DNM3: variants seen among roughly 807,000 people sequenced by gnomAD.
DNM3 encodes the protein dynamin 3, also known as dynamin-3.
A neutral mutation model predicts 101.6 loss-of-function variants in DNM3; 47 were observed. The observed-to-expected ratio is 0.46, with a 90% CI of 0.37 to 0.59. The LOEUF is 0.59. DNM3 is among the 20% of genes least tolerant of loss of function. The probability of loss-of-function intolerance (pLI) is 0.00; values close to 1 mark genes in which losing one functional copy is unlikely to be tolerated. For missense variants in DNM3, 849 were observed against 1,085.7 expected (o/e 0.78, Z 3.06); for synonymous variants, 385 against 387.9 (o/e 0.99, Z 0.09).
intron 14 of DNM3, among the ~76,000 whole-genome samples, chr1:172,145,222 C>T (rs970600519): frequency 1.3e-5 from 2 of 152,010 alleles, no homozygotes; most frequent in Admixed American, 1.3e-4. Context: ...GAAGGCAGAG[C>T]TCATTTGGAA....
In DNM3 at chr1:172,068,834, A is replaced by C; in HGVS notation, c.1351A>C (p.Arg451=). Residue 451 remains arginine (R), a synonymous_variant, in exon 11 of 21, where the codon AGA becomes CGA. Coordinates refer to ENST00000627582, the MANE Select transcript of DNM3 (RefSeq NM_015569.5). ...KCTKKLANFP[R]LCEETERIVA... is the part of the protein sequence containing the mutation. ...TTCTTGACAGCTGGCAAACTTCCCCAGACTCTGCGAGGAAACGGAAAGGAT... is the reference window on the plus strand; with the variant it reads ...TTCTTGACAGCTGGCAAACTTCCCCCGACTCTGCGAGGAAACGGAAAGGAT... 6.4e-7 allele frequency: 1 copy of C among 1,572,464 alleles called. No homozygotes were observed. The highest frequency in any genetic ancestry group is 8.6e-7 in the Non-Finnish European group (1 of 1,158,022).
chr1:172,011,840 A>T (rs531498105), intron 4 of DNM3, among the ~76,000 whole-genome samples: 1 of 152,032 alleles, frequency 6.6e-6, no homozygotes, highest in Admixed American at 6.6e-5. Context: ...TAAATTTCTC[A>T]TGTGAACTCA....
intron 14 of DNM3, among the ~76,000 whole-genome samples, chr1:172,230,460 A>C (rs2061291960): frequency 6.6e-6 from 1 of 152,188 alleles, no homozygotes; most frequent in South Asian, 2.1e-4. Context: ...GTTTTGCTGA[A>C]CACTTGGTGC....
chr1:171,928,863 G>T (rs1482421211), intron 2 of DNM3, among the ~76,000 whole-genome samples: 2 of 152,114 alleles, frequency 1.3e-5, no homozygotes, highest in Non-Finnish European at 2.9e-5. Flanking sequence ...GGTATGCTTG[G>T]TGCCTGCTCT....
intron 2 of DNM3, among the ~76,000 whole-genome samples, chr1:171,926,640 T>C (rs555728986): frequency 6.6e-6 from 1 of 152,320 alleles, no homozygotes; most frequent in South Asian, 2.1e-4. Context: ...AAGTTTCAAA[T>C]TGAGAATTGC....
rs116349556 is a variant in DNM3, at chr1:172,284,659, G to T, written c.1770-24069G>T. 6.8e-3 allele frequency among the ~76,000 whole-genome samples: 1,030 copies of T among 152,214 alleles called. 22 individuals carry two copies. Among genetic ancestry groups the T allele is most frequent in the African/African-American group, 0.023 (975 of 41,538 alleles). On this transcript the variant is annotated intron_variant, in intron 15 of 20. Coordinates refer to ENST00000627582, the MANE Select transcript of DNM3 (RefSeq NM_015569.5). ...ATGTAATCAGTTACATAATTCATTT[G>T]TCCTTCCATTTTCTTCTACAGAGAC...
At position 172,048,689 on chromosome 1, in the gene DNM3, T is replaced by G; in HGVS notation, c.1274T>G (p.Leu425Trp). 1.2e-6 allele frequency: 2 copies of G among 1,613,638 alleles called. No homozygotes were observed. The highest frequency in any genetic ancestry group is 1.7e-6 in the Non-Finnish European group (2 of 1,179,692). Residue 425 changes from leucine to tryptophan, a missense_variant, in exon 10 of 21, where the codon TTG (leucine) becomes TGG (tryptophan). Physicochemically the swap from Leu to Trp is moderately conservative, Grantham distance 61 (BLOSUM62 -2). This residue lies in a region of DNM3 where 193 missense variants were observed against 238.4 expected (regional missense o/e 0.81). Transcript: ENST00000627582. ...KQIVKLKGPS[L>W]KSVDLVIQEL... is the part of the protein sequence containing the mutation. ...ATTGTAAAGTTGAAAGGGCCTTCCT[T>G]GAAGAGTGTGGATCTGGTAATACAA...
At chr1:172,193,711 C>T (rs1050349324) in intron 14 of DNM3, among the ~76,000 whole-genome samples, 3 of 152,106 alleles carry the variant, frequency 2.0e-5, no homozygotes, top group Admixed American at 2.0e-4. Context: ...GTGATATCCC[C>T]TTTATCATTT....
At chr1:172,026,864 AG>A (rs1408969040) in intron 4 of DNM3, among the ~76,000 whole-genome samples, 1 of 152,114 alleles carries the variant, frequency 6.6e-6, no homozygotes, top group Admixed American at 6.5e-5. Flanking sequence ...CATGTTAGCC[AG>A]GATGGTCTCG....
chr1:172,334,911 T>TA (rs2066351912), intron 17 of DNM3, among the ~76,000 whole-genome samples: 2 of 152,122 alleles, frequency 1.3e-5, no homozygotes, highest in African/African-American at 4.8e-5. Flanking sequence ...GTGCTTCCTC[T>TA]AAAAGCCTGT....
intron 1 of DNM3, among the ~76,000 whole-genome samples, chr1:171,904,453 A>G (rs1170099816): frequency 2.0e-5 from 3 of 152,216 alleles, no homozygotes; most frequent in African/African-American, 7.2e-5. Context: ...CCTTATTCCC[A>G]AGGAAGGTAA....
intron 2 of DNM3, among the ~76,000 whole-genome samples, chr1:171,937,120 A>C (rs890568958): frequency 1.3e-5 from 2 of 152,256 alleles, no homozygotes; most frequent in African/African-American, 4.8e-5. Flanking sequence ...TTCATAAATT[A>C]GACTGATACA....
At chr1:171,905,322 T>C (rs1208596744) in intron 1 of DNM3, among the ~76,000 whole-genome samples, 1 of 152,216 alleles carries the variant, frequency 6.6e-6, no homozygotes, top group Non-Finnish European at 1.5e-5. Flanking sequence ...ATATCAGTCT[T>C]CCTTTCTGAG....
chr1:171,846,453 T>C (rs1004821752), intron 1 of DNM3, among the ~76,000 whole-genome samples: 1 of 152,176 alleles, frequency 6.6e-6, no homozygotes, highest in Non-Finnish European at 1.5e-5. Flanking sequence ...GGAAACTTAA[T>C]GTTTAGCTGG....
intron 16 of DNM3, among the ~76,000 whole-genome samples, chr1:172,321,500 C>T (rs2065715014): frequency 1.3e-5 from 2 of 152,178 alleles, no homozygotes; most frequent in Non-Finnish European, 2.9e-5. Context: ...ATTTACATTT[C>T]ACCATTCATG....
At chr1:172,199,937 A>T (rs1442140073) in intron 14 of DNM3, among the ~76,000 whole-genome samples, 1 of 85,708 alleles carries the variant, frequency 1.2e-5, no homozygotes. Flanking sequence ...TGTGGATTTG[A>T]TCCTATTATT....
intron 2 of DNM3, among the ~76,000 whole-genome samples, chr1:171,982,534 G>A (rs1239242611): frequency 1.3e-5 from 2 of 152,018 alleles, no homozygotes; most frequent in Non-Finnish European, 2.9e-5. Context: ...CTGCCCTATC[G>A]GTTTTCCAGA....
At chr1:171,865,327 G>A (rs2034611395) in intron 1 of DNM3, among the ~76,000 whole-genome samples, 1 of 151,844 alleles carries the variant, frequency 6.6e-6, no homozygotes, top group South Asian at 2.1e-4. Flanking sequence ...ACAAGCCTGG[G>A]CAACGTGGTG....
chr1:172,287,653 G>A (rs547155918), intron 15 of DNM3, among the ~76,000 whole-genome samples: 11 of 151,832 alleles, frequency 7.2e-5, no homozygotes, highest in East Asian at 3.9e-4. Context: ...CAAAAAACTC[G>A]TCCCTTTGGC....
Sources: gnomAD v4.1 joint callset for allele counts (sites outside exome capture counted in the v4.1 genomes callset) on GRCh38, gnomAD v4.1.1 for gene constraint, gnomAD v4.1.1 regional missense constraint, MANE v1.5 for transcripts, NCBI Gene and HGNC (gene_info 2026-07-23, HGNC 2026-07-21) for gene names.